The following MYOM2 variants were observed in gnomAD, a reference collection of about 807,000 sequenced individuals.
The protein encoded by MYOM2 is myomesin-2.
Under a neutral mutation model 187.6 loss-of-function variants are expected in MYOM2, and 254 were observed. The ratio of observed to expected loss-of-function variants is 1.35; its 90% CI spans 1.22 to 1.50. The LOEUF (loss-of-function observed/expected upper bound fraction) is 1.50, where lower values mean the gene tolerates loss of function less well. Ranked by LOEUF, MYOM2 falls within the 40% of genes most tolerant of loss-of-function variation. The pLI, the probability that MYOM2 is intolerant of heterozygous loss-of-function variation, is 0.00. For missense variants in MYOM2, 2,796 were observed against 1,924.0 expected (o/e 1.45, Z -8.48); for synonymous variants, 981 against 753.8 (o/e 1.30, Z -4.94).
At chr8:2,137,682 A>T (rs1268778480) in intron 32 of MYOM2, among the ~76,000 whole-genome samples, 1 of 152,134 alleles carries the variant, frequency 6.6e-6, no homozygotes. Context: ...CTGACTCTCA[A>T]CAGAAGAGTT....
In MYOM2 at chr8:2,106,246, C is replaced by G. The variant is rs1585916678; in HGVS notation, c.2739C>G (p.Thr913=). 6.2e-7 allele frequency: 1 copy of G among 1,613,982 alleles called. No homozygotes were observed. The highest frequency in any genetic ancestry group is 8.5e-7 in the Non-Finnish European group (1 of 1,179,942). The stretch of plus-strand genomic sequence containing the variant: ...CTTCATACTCTTCTTATGCAGGCAC[C>G]AAGGAAATCAGTGCTGGTGTCGATG... The part of the protein sequence containing the change: ...EPVLVEARPG[T]KEISAGVDEQ... Residue 913 remains threonine (T), a synonymous_variant, in exon 22 of 37, where the codon ACC becomes ACG. Coordinates refer to ENST00000262113, the MANE Select transcript of MYOM2 (RefSeq NM_003970.4).
In MYOM2 at chr8:2,092,116, C is replaced by T. The variant is rs180777561; in HGVS notation, c.1829-230C>T. ...ATTCAGGATGGATGTCATCCTGTGT[C>T]TCTAGGAGTTGTGTGGAGCTTGGGA... On this transcript the variant is annotated intron_variant, in intron 15 of 36. Coordinates refer to ENST00000262113, the MANE Select transcript of MYOM2 (RefSeq NM_003970.4). Among the ~76,000 whole-genome samples, 541 of 152,144 alleles carry T rather than the reference C, an allele frequency of 3.6e-3. 4 individuals are homozygous for T. Among genetic ancestry groups the T allele is most frequent in the African/African-American group, 0.012 (509 of 41,520 alleles).
At chr8:2,064,613 T>G (rs1019154665) in intron 6 of MYOM2, among the ~76,000 whole-genome samples, 1 of 152,198 alleles carries the variant, frequency 6.6e-6, no homozygotes, top group Non-Finnish European at 1.5e-5. Flanking sequence ...AAGTGCTAAT[T>G]GGTGACTTGA....
chr8:2,069,793 G>T (rs961716202), intron 8 of MYOM2, among the ~76,000 whole-genome samples: 1 of 152,196 alleles, frequency 6.6e-6, no homozygotes, highest in Non-Finnish European at 1.5e-5. Context: ...CTATGGCTAG[G>T]TGGTATTTTT....
Position 2,078,933 on chromosome 8 carries a change from G to A in MYOM2, c.1462G>A (p.Ala488Thr). ...LDPLDLRRLQ[A>T]VHLEGEKEIA... ...CCCCTTGGACCTCAGAAGGTTACAAGGTAAGCTGCTCACGCCTAAGTATCC... is the reference window on the plus strand; with the variant it reads ...CCCCTTGGACCTCAGAAGGTTACAAAGTAAGCTGCTCACGCCTAAGTATCC... The change falls in exon 12 of 37, where the codon GCC becomes ACC. Residue 488 changes from alanine to threonine, a missense_variant and splice_region_variant. Coordinates refer to ENST00000262113, the MANE Select transcript of MYOM2 (RefSeq NM_003970.4). 2 of 1,613,618 alleles carry A rather than the reference G, an allele frequency of 1.2e-6. No individual in the cohort carries two copies. Among genetic ancestry groups the A allele is most frequent in the Middle Eastern group, 1.7e-4 (1 of 5,928 alleles).
chr8:2,118,613 G>A (rs890090831), intron 28 of MYOM2, among the ~76,000 whole-genome samples: 2 of 152,208 alleles, frequency 1.3e-5, no homozygotes. Flanking sequence ...CAGTGAGTGG[G>A]AAAAGATGGT....
rs1232671340 is a variant in MYOM2 at position 2,086,324 on chromosome 8, T to C, written c.1644+934T>C. ...CGTGGCCCCCCACAGTCGTGATCTCTGCGTGGCCCCCCACTGTTGTGATCT... is the reference window on the plus strand; with the variant it reads ...CGTGGCCCCCCACAGTCGTGATCTCCGCGTGGCCCCCCACTGTTGTGATCT... On this transcript the variant is annotated intron_variant, in intron 14 of 36. Coordinates refer to ENST00000262113, the MANE Select transcript of MYOM2 (RefSeq NM_003970.4). Among the ~76,000 whole-genome samples, 265 of 61,596 alleles carry C rather than the reference T, an allele frequency of 4.3e-3. 36 individuals carry two copies. Among genetic ancestry groups the C allele is most frequent in the East Asian group, 8.3e-3 (18 of 2,172 alleles). The allele number at this position is 61,596 out of a possible 152,430, so 40.4% of individuals were successfully genotyped here.
chr8:2,087,383 G>T (rs1482904419), intron 14 of MYOM2, among the ~76,000 whole-genome samples: 1 of 152,078 alleles, frequency 6.6e-6, no homozygotes, highest in Non-Finnish European at 1.5e-5. Context: ...GGACCCTCTG[G>T]CCTTCTCTGG....
At chr8:2,065,751 A>G (rs909994073) in intron 6 of MYOM2, among the ~76,000 whole-genome samples, 2 of 152,176 alleles carry the variant, frequency 1.3e-5, no homozygotes, top group African/African-American at 4.8e-5. Flanking sequence ...ATATTATCCA[A>G]TTACATAGAG....
At position 2,096,529 on chromosome 8, in the gene MYOM2, T is replaced by C. The variant is rs1054833812; in HGVS notation, c.2313+95T>C. Reference sequence around the variant, plus strand: ...CGTTTGATGACATTAGATAGTTTGATACAGACACAAAAATGGATTAAAAAA... The same window carrying C: ...CGTTTGATGACATTAGATAGTTTGACACAGACACAAAAATGGATTAAAAAA... On this transcript the variant is annotated intron_variant, in intron 18 of 36. Coordinates refer to ENST00000262113, the MANE Select transcript of MYOM2 (RefSeq NM_003970.4). The C allele has an allele frequency of 4.4e-5, 52 of 1,174,302 alleles. 1 individual carries two copies. The South Asian group carries it at 6.6e-4, about 15-fold the overall frequency. The allele number at this position is 1,174,302 out of a possible 1,614,324, so 72.7% of individuals were successfully genotyped here.
At chr8:2,086,386 C>T (rs1303874813) in intron 14 of MYOM2, among the ~76,000 whole-genome samples, 4 of 112,808 alleles carry the variant, frequency 3.5e-5, no homozygotes, top group Middle Eastern at 5.0e-3. Context: ...TCTGCGTGGC[C>T]TCCCACTGTT....
chr8:2,138,740 G>A (rs141355811), intron 32 of MYOM2, among the ~76,000 whole-genome samples: 1,489 of 147,546 alleles, frequency 0.01, 36 homozygotes, highest in African/African-American at 0.036. Flanking sequence ...TAGATGTTGA[G>A]CATGTCTTCT....
At position 2,145,081 on chromosome 8, in the gene MYOM2, G is replaced by C; in HGVS notation, c.*100G>C. The C allele has an allele frequency of 7.7e-7, 1 of 1,298,486 alleles. No homozygotes were observed. The highest frequency in any genetic ancestry group is 1.3e-5 in the South Asian group (1 of 75,856). 80.4% of individuals were successfully genotyped at this position (1,298,486 alleles called of 1,614,324 possible). A position where few individuals can be genotyped will look rare whatever the true frequency, so the allele number is the denominator to read the frequency against. On this transcript the variant is annotated 3_prime_UTR_variant, in exon 37 of 37. Coordinates refer to ENST00000262113, the MANE Select transcript of MYOM2 (RefSeq NM_003970.4). ...GCAGCTGGCATCCGAGTGGTGTCCT[G>C]TGTGGGCTGATAGTTGATCACACAT...
At chr8:2,052,076 A>C in intron 2 of MYOM2, 82 bp from the exon 3 acceptor site, 3 of 1,567,636 alleles carry the variant, frequency 1.9e-6, no homozygotes, top group African/African-American at 1.4e-5. Context: ...TGGGGTGTGT[A>C]GAGAGAAAGT....
At position 2,140,811 on chromosome 8, in the gene MYOM2, G is replaced by A. The variant is rs1798248231; in HGVS notation, c.3889G>A (p.Asp1297Asn). The A allele has an allele frequency of 1.9e-6, 3 of 1,614,066 alleles. 1 individual carries two copies. The East Asian group carries it at 6.7e-5, about 36-fold the overall frequency. Residue 1297 changes from aspartate (D) to asparagine (N), a missense_variant, in exon 33 of 37, where the codon GAT becomes AAT. Asp to Asn is a conservative substitution (Grantham distance 23). Coordinates refer to ENST00000262113, the MANE Select transcript of MYOM2 (RefSeq NM_003970.4). Reference protein sequence around the residue: ...WLQICEPTEKDKGKYTFEIFD... With the variant: ...WLQICEPTEKNKGKYTFEIFD... The stretch of plus-strand genomic sequence containing the variant: ...GCAGATATGTGAGCCGACTGAGAAG[G>A]ATAAAGGAAAATACACTTTTGAGAT...
At chr8:2,083,046 A>C (rs1819683226) in intron 13 of MYOM2, among the ~76,000 whole-genome samples, 2 of 152,340 alleles carry the variant, frequency 1.3e-5, no homozygotes, top group South Asian at 4.1e-4. Context: ...TTTTAAGTGG[A>C]GGAAACCAAT....
chr8:2,054,389 T>C (rs916118839), intron 3 of MYOM2, among the ~76,000 whole-genome samples: 2 of 152,136 alleles, frequency 1.3e-5, no homozygotes, highest in African/African-American at 4.8e-5. Flanking sequence ...CTTCCTTCAG[T>C]CCCAGTGAAA....
At chr8:2,138,904 A>G (rs76641101) in intron 32 of MYOM2, among the ~76,000 whole-genome samples, 5,092 of 147,402 alleles carry the variant, frequency 0.035, 506 homozygotes, top group African/African-American at 0.11. Flanking sequence ...CCAGGATCCC[A>G]CTGTGCCTTC....
At chr8:2,106,453 G>A (rs569071586) in intron 22 of MYOM2, 38 bp from the exon 23 acceptor site, 1 of 1,610,228 alleles carries the variant, frequency 6.2e-7, no homozygotes, top group Admixed American at 1.7e-5. Flanking sequence ...CCTGCAAACA[G>A]AAATGATCGA....
Sources: gnomAD v4.1 joint callset for allele counts (sites outside exome capture counted in the v4.1 genomes callset) on GRCh38, gnomAD v4.1.1 for gene constraint, MANE v1.5 for transcripts, NCBI Gene and HGNC (gene_info 2026-07-23, HGNC 2026-07-21) for gene names.